Variants in SAMD12 observed in about 807,000 individuals in gnomAD.
The protein encoded by SAMD12 is sterile alpha motif domain-containing protein 12.
Under a neutral mutation model 15.0 loss-of-function variants are expected in SAMD12, and 9 were observed. That is an observed-to-expected ratio of 0.60 (90% CI 0.36 to 1.05). The LOEUF (loss-of-function observed/expected upper bound fraction) is 1.05. Ranked by LOEUF, SAMD12 falls within the 50% of genes least tolerant of loss-of-function variation. SAMD12 has a pLI of 0.01. For synonymous variants in SAMD12, 86 were observed against 90.1 expected (o/e 0.96, Z 0.25); for missense variants, 230 against 234.2 (o/e 0.98, Z 0.12).
chr8:118,281,198 T>C (rs1271754970), intron 4 of SAMD12, among the ~76,000 whole-genome samples: 4 of 152,202 alleles, frequency 2.6e-5, no homozygotes, highest in African/African-American at 7.2e-5. Flanking sequence ...CATTTTGGCC[T>C]TTAATTTCAC....
chr8:118,285,940 T>C (rs977667982), intron 4 of SAMD12, among the ~76,000 whole-genome samples: 7 of 152,080 alleles, frequency 4.6e-5, no homozygotes, highest in Admixed American at 3.9e-4. Context: ...GGTGAACATA[T>C]ATATAAGAAA....
intron 4 of SAMD12, among the ~76,000 whole-genome samples, chr8:118,257,020 A>T (rs1399773587): frequency 6.6e-6 from 1 of 152,000 alleles, no homozygotes; most frequent in Non-Finnish European, 1.5e-5. Flanking sequence ...ATAACACTCT[A>T]CTGCTTGCTC....
intron 4 of SAMD12, among the ~76,000 whole-genome samples, chr8:118,316,251 T>C (rs1003056598): frequency 6.6e-6 from 1 of 151,654 alleles, no homozygotes; most frequent in Non-Finnish European, 1.5e-5. Flanking sequence ...AGTTGGGAGA[T>C]TGGCCAGGTG....
At chr8:118,498,128 T>C (rs930706518) in intron 2 of SAMD12, among the ~76,000 whole-genome samples, 1 of 152,214 alleles carries the variant, frequency 6.6e-6, no homozygotes, top group Non-Finnish European at 1.5e-5. Flanking sequence ...TAGACATCAT[T>C]CTTAGGCCCA....
chr8:118,222,147 C>T (rs1402914192), intron 4 of SAMD12, among the ~76,000 whole-genome samples: 1 of 152,012 alleles, frequency 6.6e-6, no homozygotes, highest in East Asian at 1.9e-4. Flanking sequence ...AGGAGGACCT[C>T]AAGTTTCTAG....
chr8:118,434,488 C>A (rs1822515110), intron 3 of SAMD12, among the ~76,000 whole-genome samples: 1 of 152,158 alleles, frequency 6.6e-6, no homozygotes, highest in Non-Finnish European at 1.5e-5. Context: ...TTAAAGTTGG[C>A]AGGGGAAGGA....
At chr8:118,267,534 A>G (rs951910103) in intron 4 of SAMD12, among the ~76,000 whole-genome samples, 1 of 152,152 alleles carries the variant, frequency 6.6e-6, no homozygotes, top group Non-Finnish European at 1.5e-5. Flanking sequence ...TGGGTTTGCT[A>G]GGAAAGATGA....
chr8:118,433,322 T>G (rs576310245), intron 3 of SAMD12, among the ~76,000 whole-genome samples: 1 of 152,296 alleles, frequency 6.6e-6, no homozygotes, highest in East Asian at 1.9e-4. Context: ...CAGATATAAA[T>G]TACATTCTCC....
At chr8:118,271,016 G>A (rs1427991818) in intron 4 of SAMD12, among the ~76,000 whole-genome samples, 1 of 152,158 alleles carries the variant, frequency 6.6e-6, no homozygotes, top group East Asian at 1.9e-4. Context: ...AAGTTATTAT[G>A]TCTCTTCTTA....
intron 2 of SAMD12, among the ~76,000 whole-genome samples, chr8:118,506,428 C>A (rs1381779086): frequency 3.9e-5 from 6 of 152,110 alleles, no homozygotes. Flanking sequence ...GGAGCCCATT[C>A]CCTTCTGACA....
intron 3 of SAMD12, among the ~76,000 whole-genome samples, chr8:118,438,855 G>T (rs1822652062): frequency 6.6e-6 from 1 of 152,070 alleles, no homozygotes; most frequent in Admixed American, 6.6e-5. Flanking sequence ...AAAAAGATCT[G>T]GACTAGAAAT....
At chr8:118,571,282 A>G (rs1452546364) in intron 2 of SAMD12, among the ~76,000 whole-genome samples, 1 of 152,066 alleles carries the variant, frequency 6.6e-6, no homozygotes, top group African/African-American at 2.4e-5. Context: ...AAAGTTTGCA[A>G]CTCCCTAGAG....
chr8:118,529,721 A>C (rs374901091), intron 2 of SAMD12, among the ~76,000 whole-genome samples: 2 of 152,216 alleles, frequency 1.3e-5, no homozygotes, highest in East Asian at 1.9e-4. Flanking sequence ...AAAAGCCATA[A>C]TTTTATTCTT....
At chr8:118,316,484 T>C (rs181666665) in intron 4 of SAMD12, among the ~76,000 whole-genome samples, 1 of 152,078 alleles carries the variant, frequency 6.6e-6, no homozygotes, top group East Asian at 1.9e-4. Flanking sequence ...CGCAGTGAGC[T>C]GAGATCATGG....
intron 2 of SAMD12, among the ~76,000 whole-genome samples, chr8:118,527,985 T>C (rs1825575739): frequency 6.6e-6 from 1 of 151,992 alleles, no homozygotes; most frequent in South Asian, 2.1e-4. Flanking sequence ...ATATTTTTAA[T>C]CACGTGATTT....
chr8:118,444,849 T>C (rs1464395655), intron 2 of SAMD12, among the ~76,000 whole-genome samples: 1 of 152,248 alleles, frequency 6.6e-6, no homozygotes, highest in Non-Finnish European at 1.5e-5. Flanking sequence ...CTTTGATTTA[T>C]AAGAGAACAC....
chr8:118,609,975 G>C (rs113641344), intron 1 of SAMD12, among the ~76,000 whole-genome samples: 2,924 of 152,222 alleles, frequency 0.019, 83 homozygotes, highest in African/African-American at 0.065. Flanking sequence ...TGGCTGGACT[G>C]TAAGTTCCAA....
chr8:118,389,630 A>G (rs1820159987), intron 3 of SAMD12, among the ~76,000 whole-genome samples: 2 of 151,944 alleles, frequency 1.3e-5, no homozygotes, highest in Admixed American at 1.3e-4. Flanking sequence ...CAGGAGAATC[A>G]CTTGAACCCG....
chr8:118,446,730 G>A (rs1822926978), intron 2 of SAMD12, among the ~76,000 whole-genome samples: 1 of 151,966 alleles, frequency 6.6e-6, no homozygotes, highest in African/African-American at 2.4e-5. Flanking sequence ...TTTGCCTTTG[G>A]GTAAATGCAA....
Sources: gnomAD v4.1 joint callset for allele counts (sites outside exome capture counted in the v4.1 genomes callset) on GRCh38, gnomAD v4.1.1 for gene constraint, MANE v1.5 for transcripts, NCBI Gene and HGNC (gene_info 2026-07-23, HGNC 2026-07-21) for gene names.